IGSF21: variants seen among roughly 807,000 people sequenced by gnomAD.
The protein encoded by IGSF21 is immunoglobin superfamily member 21.
A neutral mutation model predicts 46.8 loss-of-function variants in IGSF21; 28 were observed. The observed-to-expected ratio is 0.60, with a 90% CI of 0.44 to 0.82. The LOEUF (loss-of-function observed/expected upper bound fraction) is 0.82, where lower values mean the gene tolerates loss of function less well. IGSF21 is among the 40% of genes least tolerant of loss of function. The pLI is 0.00. For missense variants in IGSF21, 624 were observed against 665.5 expected (o/e 0.94, Z 0.69); for synonymous variants, 284 against 273.6 (o/e 1.04, Z -0.38).
At position 18,205,169 on chromosome 1, in the gene IGSF21, G is replaced by A. The variant is rs1160353209; in HGVS notation, c.71-22729G>A. On this transcript the variant is annotated intron_variant, in intron 1 of 9. Coordinates refer to ENST00000251296, the MANE Select transcript of IGSF21 (RefSeq NM_032880.5). ...AGAGAGAGAGAGAGAGAAAGAGAGAGGGAGAGGAGAGAGGAGGAGAGAGAG... is the reference window on the plus strand; with the variant it reads ...AGAGAGAGAGAGAGAGAAAGAGAGAAGGAGAGGAGAGAGGAGGAGAGAGAG... Among the ~76,000 whole-genome samples the A allele has an allele frequency of 2.0e-5, 3 of 151,964 alleles. No homozygotes were observed. The East Asian group carries it at 5.8e-4, about 30-fold the overall frequency.
chr1:18,299,599 C>T (rs1227442725), intron 3 of IGSF21, among the ~76,000 whole-genome samples: 3 of 152,184 alleles, frequency 2.0e-5, no homozygotes, highest in Non-Finnish European at 2.9e-5. Context: ...AGCAAACACA[C>T]GTTGTTGTTG....
chr1:18,302,681 G>T (rs2085373895), intron 3 of IGSF21, among the ~76,000 whole-genome samples: 1 of 151,990 alleles, frequency 6.6e-6, no homozygotes, highest in African/African-American at 2.4e-5. Flanking sequence ...TCCCTCTGTG[G>T]TCCTCAAATC....
chr1:18,359,608 C>T (rs747651089), intron 4 of IGSF21, among the ~76,000 whole-genome samples: 3 of 152,090 alleles, frequency 2.0e-5, no homozygotes, highest in South Asian at 4.1e-4. Context: ...TTAAAGGAGT[C>T]GCCTGCCTGG....
intron 2 of IGSF21, among the ~76,000 whole-genome samples, chr1:18,289,751 G>A (rs1011206618): frequency 2.0e-5 from 3 of 152,152 alleles, no homozygotes; most frequent in South Asian, 2.1e-4. Flanking sequence ...CTACCAAACC[G>A]CACCTCTCCT....
At chr1:18,198,383 G>T (rs1557583568) in intron 1 of IGSF21, among the ~76,000 whole-genome samples, 1 of 152,168 alleles carries the variant, frequency 6.6e-6, no homozygotes, top group Non-Finnish European at 1.5e-5. Flanking sequence ...TGGGCCCGTA[G>T]GGTGGCCCTG....
intron 1 of IGSF21, among the ~76,000 whole-genome samples, chr1:18,131,378 A>T (rs2086320121): frequency 6.6e-6 from 1 of 152,158 alleles, no homozygotes; most frequent in South Asian, 2.1e-4. Context: ...AAGTGAACGG[A>T]TGAAGGATGT....
In IGSF21 at chr1:18,209,388, G is replaced by T. The variant is rs542428337; in HGVS notation, c.71-18510G>T. ...TCTCAATGCCTTTCCTATCAGGAAG[G>T]CCAGGTGACCTGGGCCCAGGGCCTA... On this transcript the variant is annotated intron_variant, in intron 1 of 9. Coordinates refer to ENST00000251296, the MANE Select transcript of IGSF21 (RefSeq NM_032880.5). 1.4e-3 allele frequency among the ~76,000 whole-genome samples: 220 copies of T among 152,214 alleles called. 1 individual carries two copies. Among genetic ancestry groups the T allele is most frequent in the Middle Eastern group, 0.01 (3 of 292 alleles).
intron 1 of IGSF21, among the ~76,000 whole-genome samples, chr1:18,216,325 A>G (rs1483628031): frequency 2.6e-5 from 4 of 152,194 alleles, no homozygotes; most frequent in African/African-American, 9.7e-5. Context: ...TTGGAGGGGC[A>G]AAGAGAGGCA....
intron 1 of IGSF21, among the ~76,000 whole-genome samples, chr1:18,163,915 T>C (rs1169162306): frequency 6.6e-6 from 1 of 152,192 alleles, no homozygotes; most frequent in African/African-American, 2.4e-5. Context: ...TGAAAAATGA[T>C]TTATATGAAA....
At chr1:18,199,637 G>A (rs1472890532) in intron 1 of IGSF21, among the ~76,000 whole-genome samples, 5 of 152,024 alleles carry the variant, frequency 3.3e-5, no homozygotes, top group East Asian at 3.9e-4. Context: ...CGGTGGCTGC[G>A]GTAATAGAGC....
chr1:18,232,535 G>C (rs1297396162), intron 2 of IGSF21, among the ~76,000 whole-genome samples: 1 of 152,124 alleles, frequency 6.6e-6, no homozygotes, highest in Non-Finnish European at 1.5e-5. Context: ...TTTTCCAGAT[G>C]AAGAAACTGA....
chr1:18,174,758 T>A (rs2086779037), intron 1 of IGSF21, among the ~76,000 whole-genome samples: 1 of 152,210 alleles, frequency 6.6e-6, no homozygotes, highest in African/African-American at 2.4e-5. Flanking sequence ...TTGAGCCCCG[T>A]TGCCCACTGG....
At chr1:18,284,592 C>T (rs79544403) in intron 2 of IGSF21, among the ~76,000 whole-genome samples, 4,061 of 152,286 alleles carry the variant, frequency 0.027, 75 homozygotes, top group African/African-American at 0.057. Context: ...TAATATCCCT[C>T]GCGTTACAGA....
At chr1:18,361,989 T>A in intron 4 of IGSF21, 126 bp from the exon 5 acceptor site, 1 of 637,930 alleles carries the variant, frequency 1.6e-6, no homozygotes. Flanking sequence ...CCCCTGGAGT[T>A]TGGCAACACC....
intron 3 of IGSF21, among the ~76,000 whole-genome samples, chr1:18,313,607 G>A (rs1025413961): frequency 1.3e-5 from 2 of 152,228 alleles, no homozygotes. Flanking sequence ...CCTGCTGTGA[G>A]CCAGATATTG....
intron 1 of IGSF21, among the ~76,000 whole-genome samples, chr1:18,117,664 A>G (rs1172581804): frequency 6.6e-6 from 1 of 152,134 alleles, no homozygotes; most frequent in Non-Finnish European, 1.5e-5. Flanking sequence ...GCTCCCCACC[A>G]TGTGGTAGGA....
intron 1 of IGSF21, among the ~76,000 whole-genome samples, chr1:18,108,968 G>A (rs1279554282): frequency 1.2e-4 from 16 of 128,926 alleles, no homozygotes; most frequent in Non-Finnish European, 2.3e-4. Flanking sequence ...CCGGGGCTGG[G>A]GAGTTGTGAG....
intron 4 of IGSF21, among the ~76,000 whole-genome samples, chr1:18,338,847 T>C (rs1181561626): frequency 6.6e-6 from 1 of 151,412 alleles, no homozygotes; most frequent in African/African-American, 2.4e-5. Context: ...CAGGAACGCA[T>C]TATACACAGT....
Position 18,365,849 on chromosome 1 carries a change from GT to G in IGSF21, c.1015+154del, listed in dbSNP as rs1460808838. The G allele has an allele frequency of 4.4e-6, 3 of 683,440 alleles. No homozygotes were observed. Among genetic ancestry groups the G allele is most frequent in the Non-Finnish European group, 7.3e-6 (3 of 411,094 alleles). The allele number at this position is 683,440 out of a possible 1,614,324, so 42.3% of individuals were successfully genotyped here. A position where few individuals can be genotyped will look rare whatever the true frequency, so the allele number is the denominator to read the frequency against. On this transcript the variant is annotated intron_variant, in intron 6 of 9. Transcript: ENST00000251296. This position sits in a 1 kb window ranked among gnomAD's most constrained non-coding sequence, Gnocchi z 4.8. ...GGATGAGCACAAATGGTAGAGTCAG[GT>G]TCTTAGGGAGGTTTGCTGAGCTGGA...
Sources: gnomAD v4.1 joint callset for allele counts (sites outside exome capture counted in the v4.1 genomes callset) on GRCh38, gnomAD v4.1.1 for gene constraint, Gnocchi (gnomAD v3.1) non-coding constraint, MANE v1.5 for transcripts, NCBI Gene and HGNC (gene_info 2026-07-23, HGNC 2026-07-21) for gene names.